RPS6KC1: variants seen among roughly 807,000 people sequenced by gnomAD.
The protein encoded by RPS6KC1 is ribosomal protein S6 kinase C1.
Under a neutral mutation model 103.8 loss-of-function variants are expected in RPS6KC1, and 54 were observed. The ratio of observed to expected loss-of-function variants is 0.52; its 90% CI spans 0.42 to 0.65. The LOEUF (loss-of-function observed/expected upper bound fraction) is 0.65, where lower values mean the gene tolerates loss of function less well. Among genes scored for constraint, RPS6KC1 ranks in the 30% least tolerant of loss-of-function variants. The probability of loss-of-function intolerance (pLI) is 0.00; values close to 1 mark genes in which losing one functional copy is unlikely to be tolerated. For missense variants in RPS6KC1, 1,151 were observed against 1,253.8 expected, an observed-to-expected ratio of 0.92 and a Z score of 1.24; for synonymous variants, 439 against 438.7, an observed-to-expected ratio of 1.00 and a Z score of -0.01.
At chr1:213,749,260 G>A in the RPS6KC1 span, among the ~76,000 whole-genome samples, 11 of 152,340 alleles carry the variant, frequency 7.2e-5, no homozygotes, top group Admixed American at 2.6e-4. Flanking sequence ...GAGAGTGTTT[G>A]GCGGGCAGAA....
chr1:213,705,867 T>A, the RPS6KC1 span, among the ~76,000 whole-genome samples: 1 of 152,190 alleles, frequency 6.6e-6, no homozygotes, highest in Non-Finnish European at 1.5e-5. Flanking sequence ...CCAGGGTGTA[T>A]CTAGAAATGT....
At chr1:213,746,032 G>A in the RPS6KC1 span, among the ~76,000 whole-genome samples, 6,578 of 152,198 alleles carry the variant, frequency 0.043, 462 homozygotes, top group African/African-American at 0.15. Flanking sequence ...AATACTGAGC[G>A]CCTACTATGT....
the RPS6KC1 span, among the ~76,000 whole-genome samples, chr1:213,635,123 A>T: frequency 6.6e-6 from 1 of 152,208 alleles, no homozygotes; most frequent in Admixed American, 6.5e-5. Flanking sequence ...AATGGAGGCA[A>T]TAATTAAGAG....
chr1:213,827,123 G>T, the RPS6KC1 span, among the ~76,000 whole-genome samples: 139 of 152,276 alleles, frequency 9.1e-4, no homozygotes, highest in Middle Eastern at 3.4e-3. Flanking sequence ...ATGGATGTGG[G>T]CAAAGTCGAG....
At chr1:213,701,235 A>AT in the RPS6KC1 span, among the ~76,000 whole-genome samples, 1 of 95,468 alleles carries the variant, frequency 1.0e-5, no homozygotes, top group African/African-American at 3.2e-5. Context: ...TCTATACCCT[A>AT]TTTTTTGAGG....
Position 213,130,822 on chromosome 1 carries a change from A to G in RPS6KC1, c.835+933A>G, listed in dbSNP as rs182646433. Among the ~76,000 whole-genome samples, 302 of 152,106 alleles carry G rather than the reference A, an allele frequency of 2.0e-3. 1 individual carries two copies. The highest frequency in any genetic ancestry group is 6.6e-3 in the African/African-American group (273 of 41,530). On this transcript the variant is annotated intron_variant, in intron 6 of 14. Coordinates refer to ENST00000366960, the MANE Select transcript of RPS6KC1 (RefSeq NM_012424.6). ...TTTTAGGTTTCACTCCCATTTCCTA[A>G]TGCCACCAATTCCTGAATTTTTGGA...
At chr1:213,554,430 G>A in the RPS6KC1 span, among the ~76,000 whole-genome samples, 1 of 152,260 alleles carries the variant, frequency 6.6e-6, no homozygotes, top group Middle Eastern at 3.4e-3. Context: ...TAGCCTTGTA[G>A]TATAGCCTTG....
chr1:213,747,559 G>A, the RPS6KC1 span, among the ~76,000 whole-genome samples: 525 of 152,250 alleles, frequency 3.4e-3, 2 homozygotes, highest in African/African-American at 0.01. Flanking sequence ...TTAGTTTTAA[G>A]GTGAGAAAAA....
intron 8 of RPS6KC1, among the ~76,000 whole-genome samples, chr1:213,207,642 C>A: frequency 6.6e-6 from 1 of 151,996 alleles, no homozygotes; most frequent in Non-Finnish European, 1.5e-5. Flanking sequence ...CTCCCCTGCA[C>A]ATGTGCGTGT....
At chr1:213,454,873 C>G in the RPS6KC1 span, among the ~76,000 whole-genome samples, 1 of 152,212 alleles carries the variant, frequency 6.6e-6, no homozygotes, top group African/African-American at 2.4e-5. Flanking sequence ...GCTAGGTCAA[C>G]TCTGGCGGGG....
chr1:213,387,960 T>C, the RPS6KC1 span, among the ~76,000 whole-genome samples: 4 of 152,248 alleles, frequency 2.6e-5, no homozygotes, highest in Admixed American at 6.5e-5. Flanking sequence ...GCCTTATCTG[T>C]TCTGGGTTCC....
the RPS6KC1 span, among the ~76,000 whole-genome samples, chr1:213,617,049 G>A: frequency 6.6e-6 from 1 of 152,180 alleles, no homozygotes; most frequent in South Asian, 2.1e-4. Context: ...CAATATGATA[G>A]GTCTGACACG....
the RPS6KC1 span, chr1:213,842,201 T>C: frequency 1.3e-5 from 2 of 152,516 alleles, no homozygotes; most frequent in Admixed American, 1.3e-4. Flanking sequence ...CCTTGTATTA[T>C]GGACACTGCC....
chr1:213,216,343 C>CA (rs1401173764), intron 8 of RPS6KC1, among the ~76,000 whole-genome samples: 3 of 152,104 alleles, frequency 2.0e-5, no homozygotes, highest in African/African-American at 7.2e-5. Context: ...TATATGCACC[C>CA]AATACAGGAG....
At chr1:213,679,484 G>A in the RPS6KC1 span, among the ~76,000 whole-genome samples, 1 of 152,284 alleles carries the variant, frequency 6.6e-6, no homozygotes, top group East Asian at 1.9e-4. Flanking sequence ...GCTTAGAGAA[G>A]ACAAGTAACT....
rs6663395 is a variant in RPS6KC1, at chr1:213,145,267, T to A, written c.835+15378T>A. 3.7e-3 allele frequency among the ~76,000 whole-genome samples: 568 copies of A among 152,184 alleles called. 6 individuals carry two copies. The highest frequency in any genetic ancestry group is 0.013 in the African/African-American group (543 of 41,542). ...CAGATTGCTGTCTTGAATTTCTAGG[T>A]TGTGGTGCAGGGAGAAGGAAGCCAT... On this transcript the variant is annotated intron_variant, in intron 6 of 14. Transcript: ENST00000366960.
the RPS6KC1 span, among the ~76,000 whole-genome samples, chr1:213,454,147 T>TGG: frequency 0.027 from 4,072 of 150,498 alleles, 184 homozygotes; most frequent in African/African-American, 0.094. Flanking sequence ...TTTGACCACA[T>TGG]GGGGGGGGTC....
the RPS6KC1 span, among the ~76,000 whole-genome samples, chr1:213,363,683 TTTCTTTC>T: frequency 4.5e-5 from 4 of 88,770 alleles, no homozygotes. Context: ...TCTTTCTTTC[TTTCTTTC>T]TTTCTTTCTT....
the RPS6KC1 span, among the ~76,000 whole-genome samples, chr1:213,557,557 T>G: frequency 3.4e-4 from 51 of 152,168 alleles, 1 homozygote; most frequent in South Asian, 4.1e-4. Flanking sequence ...ATTCTAAATG[T>G]GAAACTGGCC....
Sources: allele counts gnomAD v4.1 joint callset (sites outside exome capture counted in the v4.1 genomes callset), GRCh38; gene constraint gnomAD v4.1.1; transcripts MANE v1.5; gene names NCBI Gene and HGNC (gene_info 2026-07-23, HGNC 2026-07-21).